The following GRM7 variants were observed in gnomAD, a reference collection of about 807,000 sequenced individuals.
GRM7 encodes glutamate metabotropic receptor 7, also known as metabotropic glutamate receptor 7.
In GRM7, 35 loss-of-function variants were observed where a neutral mutation model predicts 84.5. The observed-to-expected ratio is 0.41, with a 90% confidence interval of 0.32 to 0.55. GRM7 has a LOEUF of 0.55. Ranked by LOEUF, GRM7 falls within the 20% of genes least tolerant of loss-of-function variation. GRM7 has a pLI of 0.19. For missense variants in GRM7, 1,003 were observed against 1,194.6 expected (o/e 0.84, Z 2.36); for synonymous variants, 487 against 455.1 (o/e 1.07, Z -0.89).
intron 4 of GRM7, among the ~76,000 whole-genome samples, chr3:7,342,980 T>G (rs1055879284): frequency 6.6e-6 from 1 of 152,170 alleles, no homozygotes; most frequent in Non-Finnish European, 1.5e-5. Flanking sequence ...AGATGTTAAG[T>G]ACTTTAAAAA....
chr3:7,479,552 C>G (rs1559351694), intron 7 of GRM7, among the ~76,000 whole-genome samples: 1 of 152,100 alleles, frequency 6.6e-6, no homozygotes, highest in Non-Finnish European at 1.5e-5. Flanking sequence ...GATGTCTAAC[C>G]TATAGGGCCT....
At chr3:7,317,281 G>A (rs377670131) in intron 4 of GRM7, among the ~76,000 whole-genome samples, 21 of 145,330 alleles carry the variant, frequency 1.4e-4, no homozygotes, top group African/African-American at 5.0e-4. Context: ...ATTTTTATAT[G>A]AGCATACCAC....
intron 5 of GRM7, among the ~76,000 whole-genome samples, chr3:7,443,506 A>G (rs983879893): frequency 7.9e-5 from 12 of 152,176 alleles, no homozygotes; most frequent in Admixed American, 5.9e-4. Context: ...TGTAATCTAA[A>G]TATGTTTCCC....
intron 2 of GRM7, among the ~76,000 whole-genome samples, chr3:7,294,100 C>T (rs1054791479): frequency 6.6e-6 from 1 of 152,176 alleles, no homozygotes; most frequent in Non-Finnish European, 1.5e-5. Context: ...CGGGCAATTC[C>T]CCGTAAGAGG....
rs1698436243 is a variant in GRM7 at position 7,643,105 on chromosome 3, A to C, written c.2452-36944A>C. On this transcript the variant is annotated intron_variant, in intron 8 of 9. Transcript: ENST00000357716. ...ATCACGTGCTGGGTGATTGTTCAAC[A>C]TGCAGATCCCTATACGCCATACTTG... is the stretch of plus-strand genomic sequence containing the variant. Among the ~76,000 whole-genome samples the C allele has an allele frequency of 2.0e-5, 3 of 152,126 alleles. No individual in the cohort carries two copies. The South Asian group carries it at 6.2e-4, about 32-fold the overall frequency.
intron 2 of GRM7, among the ~76,000 whole-genome samples, chr3:7,208,543 C>T (rs144734270): frequency 6.6e-6 from 1 of 152,154 alleles, no homozygotes; most frequent in African/African-American, 2.4e-5. Context: ...GGTTGAGATA[C>T]AAAAGCAAGC....
intron 5 of GRM7, among the ~76,000 whole-genome samples, chr3:7,430,437 A>T (rs1287449241): frequency 1.3e-5 from 2 of 152,370 alleles, no homozygotes; most frequent in East Asian, 3.9e-4. Flanking sequence ...AAATTCTACT[A>T]CACAGACATA....
intron 9 of GRM7, among the ~76,000 whole-genome samples, chr3:7,686,872 G>T (rs1700606023): frequency 6.6e-6 from 1 of 152,148 alleles, no homozygotes; most frequent in Non-Finnish European, 1.5e-5. Flanking sequence ...CTAGTAAATT[G>T]TTTGTTCTAA....
At chr3:7,173,979 G>A (rs533055755) in intron 2 of GRM7, among the ~76,000 whole-genome samples, 2 of 152,124 alleles carry the variant, frequency 1.3e-5, no homozygotes, top group South Asian at 2.1e-4. Context: ...ACATAAAATC[G>A]TGCATGGTCA....
chr3:7,126,724 G>T (rs1199470812), intron 1 of GRM7, among the ~76,000 whole-genome samples: 1 of 152,138 alleles, frequency 6.6e-6, no homozygotes, highest in Admixed American at 6.5e-5. Context: ...CATTTAGGTT[G>T]CCCCCTCCTC....
chr3:7,298,462 G>T, intron 2 of GRM7: 1 of 453,576 alleles, frequency 2.2e-6, no homozygotes, highest in Non-Finnish European at 3.9e-6. Flanking sequence ...ATATTTGTAC[G>T]TGTACTATAA....
intron 2 of GRM7, among the ~76,000 whole-genome samples, chr3:7,217,554 C>T (rs1293332579): frequency 6.6e-6 from 1 of 151,896 alleles, no homozygotes; most frequent in African/African-American, 2.4e-5. Context: ...TAATAATTAC[C>T]TAAAATTCTT....
At chr3:7,449,308 A>G (rs867540100) in intron 5 of GRM7, among the ~76,000 whole-genome samples, 3 of 152,134 alleles carry the variant, frequency 2.0e-5, no homozygotes, top group Non-Finnish European at 4.4e-5. Context: ...AAAAACTTTA[A>G]ACACTATTGA....
At chr3:7,322,506 C>T (rs1281439063) in intron 4 of GRM7, among the ~76,000 whole-genome samples, 2 of 151,832 alleles carry the variant, frequency 1.3e-5, no homozygotes, top group Admixed American at 6.6e-5. Flanking sequence ...CCTGTCACCC[C>T]AACAGTGTAC....
At chr3:6,989,733 TG>T (rs1404575765) in intron 1 of GRM7, among the ~76,000 whole-genome samples, 2 of 152,174 alleles carry the variant, frequency 1.3e-5, no homozygotes, top group African/African-American at 4.8e-5. Context: ...GCTTGCGCAG[TG>T]TTATTGGTTA....
At chr3:7,502,267 C>G (rs1699907349) in intron 7 of GRM7, among the ~76,000 whole-genome samples, 1 of 152,136 alleles carries the variant, frequency 6.6e-6, no homozygotes, top group African/African-American at 2.4e-5. Context: ...GTGTCCAGTT[C>G]CCTCAACATT....
intron 1 of GRM7, among the ~76,000 whole-genome samples, chr3:6,924,150 G>T (rs1321191843): frequency 6.6e-6 from 1 of 152,260 alleles, no homozygotes; most frequent in Non-Finnish European, 1.5e-5. Context: ...AAACAGAAAA[G>T]AAATTCTTCC....
At chr3:7,630,129 T>A (rs1229926488) in intron 8 of GRM7, among the ~76,000 whole-genome samples, 4 of 152,180 alleles carry the variant, frequency 2.6e-5, no homozygotes, top group Non-Finnish European at 4.4e-5. Flanking sequence ...CTGCATATAT[T>A]TTTTATTAAA....
chr3:7,052,158 A>T (rs1361281635), intron 1 of GRM7, among the ~76,000 whole-genome samples: 1 of 151,860 alleles, frequency 6.6e-6, no homozygotes, highest in African/African-American at 2.4e-5. Flanking sequence ...GTTTGGACTG[A>T]AAATGTATTT....
Sources: allele counts gnomAD v4.1 joint callset (sites outside exome capture counted in the v4.1 genomes callset), GRCh38; gene constraint gnomAD v4.1.1; transcripts MANE v1.5; gene names NCBI Gene and HGNC (gene_info 2026-07-23, HGNC 2026-07-21).